CADPS: variants seen among roughly 807,000 people sequenced by gnomAD.
CADPS encodes the protein calcium dependent secretion activator.
CADPS carries 57 observed loss-of-function variants against 167.3 expected under a neutral mutation model. That is an observed-to-expected ratio of 0.34 (90% CI 0.28 to 0.42). The LOEUF is 0.42. Among genes scored for constraint, CADPS ranks in the 20% least tolerant of loss-of-function variants. The probability of loss-of-function intolerance (pLI) is 1.00; values close to 1 mark genes in which losing one functional copy is unlikely to be tolerated. For missense variants in CADPS, 1,414 were observed against 1,738.1 expected, an observed-to-expected ratio of 0.81 and a Z score of 3.32; for synonymous variants, 676 against 635.3, an observed-to-expected ratio of 1.06 and a Z score of -0.96.
chr3:62,763,995 A>G (rs1232705618), intron 2 of CADPS, among the ~76,000 whole-genome samples: 2 of 152,214 alleles, frequency 1.3e-5, no homozygotes, highest in African/African-American at 2.4e-5. Context: ...CTTGATGACT[A>G]TTAATTTTCA....
intron 3 of CADPS, among the ~76,000 whole-genome samples, chr3:62,680,350 T>C (rs1403997570): frequency 6.6e-6 from 1 of 152,048 alleles, no homozygotes. Context: ...ACAGATGAAG[T>C]GAACACATTG....
At chr3:62,706,858 G>T (rs1307718299) in intron 3 of CADPS, among the ~76,000 whole-genome samples, 1 of 152,088 alleles carries the variant, frequency 6.6e-6, no homozygotes, top group East Asian at 1.9e-4. Context: ...AAGGGTGGAA[G>T]CGGGGTGAGG....
chr3:62,529,299 C>T (rs570483566), intron 13 of CADPS, among the ~76,000 whole-genome samples: 35 of 152,090 alleles, frequency 2.3e-4, no homozygotes, highest in Non-Finnish European at 4.0e-4. Context: ...CTCAATAGGA[C>T]CAGTCAAGAT....
Position 62,635,626 on chromosome 3 carries a change from T to A in CADPS, c.1325+10096A>T, listed in dbSNP as rs116825604. ...CAAGCACTCATACAATGGGTTCATTTTACTTTTCGGGCTTTCTCTGTTTTT... is the reference window on the plus strand; with the variant it reads ...CAAGCACTCATACAATGGGTTCATTATACTTTTCGGGCTTTCTCTGTTTTT... On this transcript the variant is annotated intron_variant, in intron 6 of 29. Transcript: ENST00000383710. Among the ~76,000 whole-genome samples, 1,342 of 143,516 alleles carry A rather than the reference T, an allele frequency of 9.4e-3. 17 individuals carry two copies. Among genetic ancestry groups the A allele is most frequent in the African/African-American group, 0.033 (1,296 of 38,966 alleles). The allele number at this position is 143,516 out of a possible 152,430, so 94.2% of individuals were successfully genotyped here.
chr3:62,780,987 T>G (rs2091463537), intron 1 of CADPS, among the ~76,000 whole-genome samples: 1 of 152,200 alleles, frequency 6.6e-6, no homozygotes, highest in Non-Finnish European at 1.5e-5. Context: ...ATCTTAGGAC[T>G]CGTACATTTA....
chr3:62,785,663 A>C (rs1305499043), intron 1 of CADPS, among the ~76,000 whole-genome samples: 1 of 152,192 alleles, frequency 6.6e-6, no homozygotes, highest in African/African-American at 2.4e-5. Context: ...AAAATGGCAG[A>C]ATCAACACTG....
chr3:62,491,897 T>A (rs1408419330), intron 20 of CADPS, among the ~76,000 whole-genome samples: 3 of 152,214 alleles, frequency 2.0e-5, no homozygotes, highest in African/African-American at 7.2e-5. Flanking sequence ...ATTTTATGGC[T>A]GTTGTCACTA....
At chr3:62,870,260 T>A (rs963740756) in intron 1 of CADPS, among the ~76,000 whole-genome samples, 1 of 152,172 alleles carries the variant, frequency 6.6e-6, no homozygotes, top group Non-Finnish European at 1.5e-5. Context: ...GGTAGAATTT[T>A]TTTTTAGACT....
intron 1 of CADPS, among the ~76,000 whole-genome samples, chr3:62,863,310 C>T (rs554313089): frequency 5.7e-4 from 86 of 152,200 alleles, no homozygotes; most frequent in African/African-American, 2.0e-3. Flanking sequence ...ATCTGCTTTT[C>T]CTCTTGGTTT....
At chr3:62,872,292 T>A (rs571577485) in intron 1 of CADPS, among the ~76,000 whole-genome samples, 21 of 152,296 alleles carry the variant, frequency 1.4e-4, no homozygotes, top group Admixed American at 4.6e-4. Context: ...TGCTTATTTT[T>A]AAAAAATCAG....
intron 28 of CADPS, among the ~76,000 whole-genome samples, chr3:62,410,343 A>G (rs1482669618): frequency 6.6e-6 from 1 of 152,216 alleles, no homozygotes; most frequent in African/African-American, 2.4e-5. Context: ...CAAGCCATCT[A>G]TATTAGGAAA....
At chr3:62,687,596 A>T (rs2078287709) in intron 3 of CADPS, among the ~76,000 whole-genome samples, 2 of 151,874 alleles carry the variant, frequency 1.3e-5, no homozygotes, top group Admixed American at 1.3e-4. Flanking sequence ...TGGCTTGAAG[A>T]TTTTCAGTTT....
chr3:62,701,176 A>G (rs2081321379), intron 3 of CADPS, among the ~76,000 whole-genome samples: 1 of 152,102 alleles, frequency 6.6e-6, no homozygotes, highest in South Asian at 2.1e-4. Context: ...ACAAACATTC[A>G]GTCTAAAACA....
chr3:62,403,056 G>T, intron 29 of CADPS, 25 bp downstream of exon 29: 1 of 1,424,112 alleles, frequency 7.0e-7, no homozygotes, highest in Admixed American at 1.7e-5. Flanking sequence ...TATTTGCAAA[G>T]AAGAATAATA....
rs574426151 is a variant in CADPS at position 62,563,435 on chromosome 3, A to G, written c.1645-5922T>C. 2.0e-5 allele frequency among the ~76,000 whole-genome samples: 3 copies of G among 152,326 alleles called. No individual in the cohort carries two copies. The East Asian group carries it at 5.8e-4, about 29-fold the overall frequency. On this transcript the variant is annotated intron_variant, in intron 9 of 29. Transcript: ENST00000383710. ...TGATTTTTCTGAAAGCTGGAACATA[A>G]TTTTTGGTAACATTCTCAGTTGGGA... is the stretch of plus-strand genomic sequence containing the variant.
intron 12 of CADPS, among the ~76,000 whole-genome samples, chr3:62,534,304 GTAGAGGCC>G (rs1424749267): frequency 1.3e-5 from 2 of 152,192 alleles, no homozygotes; most frequent in Non-Finnish European, 2.9e-5. Context: ...TAGGGGGCAG[GTAGAGGCC>G]ACAGAAGTAC....
chr3:62,834,710 A>T (rs1195781280), intron 1 of CADPS, among the ~76,000 whole-genome samples: 1 of 152,164 alleles, frequency 6.6e-6, no homozygotes, highest in African/African-American at 2.4e-5. Context: ...TAGTATAAGT[A>T]TTATTATCAT....
chr3:62,787,621 T>A (rs1290895383), intron 1 of CADPS, among the ~76,000 whole-genome samples: 1 of 152,298 alleles, frequency 6.6e-6, no homozygotes, highest in South Asian at 2.1e-4. Flanking sequence ...AATGTTTTAC[T>A]GATAGGATGT....
chr3:62,645,897 C>A, intron 5 of CADPS, 54 bp from the exon 6 acceptor site: 1 of 1,598,912 alleles, frequency 6.3e-7, no homozygotes, highest in Non-Finnish European at 8.5e-7. Context: ...CTGGCAGCAT[C>A]GCCCAGAGGA....
Sources: allele counts gnomAD v4.1 joint callset (sites outside exome capture counted in the v4.1 genomes callset), GRCh38; gene constraint gnomAD v4.1.1; transcripts MANE v1.5; gene names NCBI Gene and HGNC (gene_info 2026-07-23, HGNC 2026-07-21).